Variants in NELL2 observed in about 807,000 individuals in gnomAD.
The protein encoded by NELL2 is protein kinase C-binding protein NELL2.
Under a neutral mutation model 109.6 loss-of-function variants are expected in NELL2, and 41 were observed. The observed-to-expected ratio is 0.37, with a 90% CI of 0.29 to 0.49. NELL2 has a LOEUF of 0.49. Ranked by LOEUF, NELL2 falls within the 20% of genes least tolerant of loss-of-function variation. NELL2 has a pLI of 0.98. For missense variants in NELL2, 900 were observed against 1,008.3 expected (o/e 0.89, Z 1.45); for synonymous variants, 355 against 344.7 (o/e 1.03, Z -0.33).
At chr12:44,811,957 G>A (rs562149621) in intron 3 of NELL2, among the ~76,000 whole-genome samples, 120 of 152,076 alleles carry the variant, frequency 7.9e-4, no homozygotes, top group South Asian at 1.9e-3. Flanking sequence ...CAGAAGAAGC[G>A]TCACAATGCC....
At chr12:44,637,369 G>A (rs1946677813) in intron 13 of NELL2, among the ~76,000 whole-genome samples, 2 of 150,602 alleles carry the variant, frequency 1.3e-5, no homozygotes, top group African/African-American at 4.9e-5. Flanking sequence ...GAGGCACTAT[G>A]CTACACGTTG....
At position 44,824,097 on chromosome 12, in the gene NELL2, A is replaced by G. The variant is rs968886274; in HGVS notation, c.185-7961T>C. 3.9e-5 allele frequency among the ~76,000 whole-genome samples: 6 copies of G among 152,200 alleles called. No homozygotes were observed. In the East Asian group the frequency reaches 1.2e-3, roughly 29 times the overall value. ...TAATCAGGTTATTTGTTTTCTTGCT[A>G]TTGAGTTGCACGAATTTCTTATATA... On this transcript the variant is annotated intron_variant, in intron 2 of 19. Coordinates refer to ENST00000429094, the MANE Select transcript of NELL2 (RefSeq NM_001145108.2).
chr12:44,791,362 G>A (rs1031758406), intron 3 of NELL2, among the ~76,000 whole-genome samples: 1 of 150,032 alleles, frequency 6.7e-6, no homozygotes, highest in African/African-American at 2.5e-5. Context: ...TCACTGATAT[G>A]TGGGAGATAA....
intron 2 of NELL2, among the ~76,000 whole-genome samples, chr12:44,866,436 A>C (rs1277107922): frequency 6.6e-6 from 1 of 152,224 alleles, no homozygotes; most frequent in Non-Finnish European, 1.5e-5. Flanking sequence ...GAAACACATG[A>C]GAATGGACAC....
chr12:44,613,983 C>A (rs1162948103), intron 13 of NELL2, among the ~76,000 whole-genome samples: 1 of 151,914 alleles, frequency 6.6e-6, no homozygotes, highest in Non-Finnish European at 1.5e-5. Flanking sequence ...GAAGGAAATT[C>A]TAAGGTAAAA....
intron 3 of NELL2, among the ~76,000 whole-genome samples, chr12:44,795,820 GC>G (rs1942600231): frequency 6.6e-6 from 1 of 152,106 alleles, no homozygotes; most frequent in Non-Finnish European, 1.5e-5. Context: ...GTTTCATCTT[GC>G]CACTTCCAGT....
At chr12:44,910,069 T>A (rs1296141367) in intron 1 of NELL2, among the ~76,000 whole-genome samples, 2 of 151,976 alleles carry the variant, frequency 1.3e-5, no homozygotes, top group Non-Finnish European at 2.9e-5. Flanking sequence ...GACATCGGCC[T>A]TAGGAAAGAA....
At chr12:44,515,448 A>G (rs980661592) in intron 19 of NELL2, among the ~76,000 whole-genome samples, 3 of 151,998 alleles carry the variant, frequency 2.0e-5, no homozygotes, top group African/African-American at 7.2e-5. Context: ...ATGAAATTTT[A>G]TAACAGGCAA....
At chr12:44,888,454 C>T (rs569169049) in intron 1 of NELL2, among the ~76,000 whole-genome samples, 2 of 146,916 alleles carry the variant, frequency 1.4e-5, no homozygotes, top group African/African-American at 5.1e-5. Flanking sequence ...GAGAGAAGAC[C>T]CAAATAAATA....
At chr12:44,623,804 G>A (rs1304576033) in intron 13 of NELL2, among the ~76,000 whole-genome samples, 1 of 152,110 alleles carries the variant, frequency 6.6e-6, no homozygotes, top group Non-Finnish European at 1.5e-5. Context: ...ATAGAAACGT[G>A]ACCCGAAGAC....
intron 13 of NELL2, among the ~76,000 whole-genome samples, chr12:44,612,422 A>C (rs1014430144): frequency 1.3e-5 from 2 of 151,792 alleles, no homozygotes; most frequent in African/African-American, 4.8e-5. Flanking sequence ...GCACAAATGG[A>C]TATATTATTT....
chr12:44,565,702 A>G (rs1943632151), intron 15 of NELL2, among the ~76,000 whole-genome samples: 1 of 152,160 alleles, frequency 6.6e-6, no homozygotes, highest in African/African-American at 2.4e-5. Context: ...CTAATTTTAA[A>G]TGTCTCTGGG....
chr12:44,835,236 A>G (rs1269196546), intron 2 of NELL2, among the ~76,000 whole-genome samples: 1 of 151,990 alleles, frequency 6.6e-6, no homozygotes, highest in African/African-American at 2.4e-5. Flanking sequence ...CTGATTATGT[A>G]CTCCACTCGC....
At chr12:44,735,675 T>A (rs1011541450) in intron 9 of NELL2, among the ~76,000 whole-genome samples, 3 of 152,210 alleles carry the variant, frequency 2.0e-5, no homozygotes, top group Non-Finnish European at 1.5e-5. Flanking sequence ...CAAAAGCAGT[T>A]CCACTGATTT....
chr12:44,665,598 A>T lies in NELL2; in HGVS notation c.1330T>A (p.Cys444Ser). 1.9e-6 allele frequency: 3 copies of T among 1,612,614 alleles called. No homozygotes were observed. Among genetic ancestry groups the T allele is most frequent in the Non-Finnish European group, 2.5e-6 (3 of 1,179,046 alleles). ...DNAYCEDIDE[C>S]AEGRHYCREN... ...CGACAGTAATGGCGCCCTTCAGCAC[A>T]CTCATCGATGTCTGTGAAGAAAAAC... Residue 444 changes from cysteine to serine, a missense_variant, in exon 13 of 20, where the codon TGT becomes AGT. Cys to Ser is a moderately radical substitution (Grantham distance 112). Coordinates refer to ENST00000429094, the MANE Select transcript of NELL2 (RefSeq NM_001145108.2).
At chr12:44,767,746 G>C (rs1428417638) in intron 9 of NELL2, among the ~76,000 whole-genome samples, 3 of 151,886 alleles carry the variant, frequency 2.0e-5, no homozygotes, top group Non-Finnish European at 2.9e-5. Flanking sequence ...AAAAAACAAA[G>C]TTCAGGAAAA....
At chr12:44,711,210 G>T in intron 11 of NELL2, 82 bp downstream of exon 11, 2 of 1,029,564 alleles carry the variant, frequency 1.9e-6, no homozygotes, top group Non-Finnish European at 3.0e-6. Context: ...ATTTGCTTAT[G>T]AGAATTTCTA....
chr12:44,619,878 G>C (rs1007095813), intron 13 of NELL2, among the ~76,000 whole-genome samples: 16 of 152,104 alleles, frequency 1.1e-4, no homozygotes, highest in Non-Finnish European at 1.0e-4. Flanking sequence ...CTGTGATTTT[G>C]TGAATTAAAC....
chr12:44,876,448 G>T, upstream of NELL2: 1 of 1,293,786 alleles, frequency 7.7e-7, no homozygotes, highest in Non-Finnish European at 9.8e-7. Context: ...CTCCCGCACG[G>T]TCTCCTGGAT....
Sources: gnomAD v4.1 joint callset for allele counts (sites outside exome capture counted in the v4.1 genomes callset) on GRCh38, gnomAD v4.1.1 for gene constraint, MANE v1.5 for transcripts, NCBI Gene and HGNC (gene_info 2026-07-23, HGNC 2026-07-21) for gene names.